CCDC171: variants seen among roughly 807,000 people sequenced by gnomAD.
The protein encoded by CCDC171 is coiled-coil domain containing 171, also known as coiled-coil domain-containing protein 171.
In CCDC171, 177 loss-of-function variants were observed where a neutral mutation model predicts 168.2. The ratio of observed to expected loss-of-function variants is 1.05; its 90% CI spans 0.93 to 1.19. The LOEUF is 1.19. Ranked by LOEUF, CCDC171 falls within the 50% of genes most tolerant of loss-of-function variation. CCDC171 has a pLI of 0.00. For synonymous variants in CCDC171, 687 were observed against 540.8 expected, an observed-to-expected ratio of 1.27 and a Z score of -3.75; for missense variants, 1,991 against 1,539.0, an observed-to-expected ratio of 1.29 and a Z score of -4.91.
intron 4 of CCDC171, among the ~76,000 whole-genome samples, chr9:15,584,758 G>A (rs1467506407): frequency 6.6e-6 from 1 of 152,130 alleles, no homozygotes; most frequent in Non-Finnish European, 1.5e-5. Flanking sequence ...ATAATTGGGG[G>A]TATTGTGTTC....
chr9:15,573,442 C>T (rs558445900), intron 3 of CCDC171, among the ~76,000 whole-genome samples: 56 of 151,954 alleles, frequency 3.7e-4, no homozygotes, highest in African/African-American at 1.2e-3. Flanking sequence ...CCACCATGCC[C>T]GGCTAATTTT....
At chr9:15,683,944 G>A (rs886808101) in intron 10 of CCDC171, among the ~76,000 whole-genome samples, 3 of 152,112 alleles carry the variant, frequency 2.0e-5, no homozygotes, top group Admixed American at 6.5e-5. Flanking sequence ...AAGCAAGTGG[G>A]GTCATGGAAT....
chr9:15,891,479 T>G (rs1374179888), intron 24 of CCDC171, among the ~76,000 whole-genome samples: 3 of 152,170 alleles, frequency 2.0e-5, no homozygotes, highest in African/African-American at 7.2e-5. Context: ...AGTTGGATCT[T>G]TGTAGGTCGA....
intron 20 of CCDC171, among the ~76,000 whole-genome samples, chr9:15,781,141 C>T (rs968007692): frequency 3.9e-5 from 6 of 152,210 alleles, no homozygotes; most frequent in South Asian, 2.1e-4. Flanking sequence ...GGAATATATA[C>T]GAAGAATTCT....
intron 21 of CCDC171, among the ~76,000 whole-genome samples, chr9:15,791,328 G>A (rs1287886901): frequency 6.6e-6 from 1 of 152,012 alleles, no homozygotes; most frequent in African/African-American, 2.4e-5. Flanking sequence ...TTGTAAGTTG[G>A]ATTCCTAGGT....
chr9:15,900,207 G>A (rs1350706671), intron 24 of CCDC171, among the ~76,000 whole-genome samples: 1 of 152,164 alleles, frequency 6.6e-6, no homozygotes, highest in Non-Finnish European at 1.5e-5. Context: ...TGTCCTGGAT[G>A]GGCCTGACCT....
chr9:15,971,695 A>G lies in CCDC171; in HGVS notation c.3840A>G (p.Pro1280=), dbSNP rs1369542845. The part of the protein sequence containing the change: ...ADTTGIGDFL[P]LKAELDTTYT... The stretch of plus-strand genomic sequence containing the variant: ...CAACTGGTATTGGGGATTTCTTACC[A>G]TTGAAAGCTGAACTTGATACTACTT... Residue 1280 remains proline (P), a synonymous_variant, in exon 26 of 26, where the codon CCA becomes CCG. Transcript: ENST00000380701. 1 of 1,613,832 alleles carries G rather than the reference A, an allele frequency of 6.2e-7. No individual in the cohort carries two copies. The highest frequency in any genetic ancestry group is 8.5e-7 in the Non-Finnish European group (1 of 1,179,890).
At chr9:15,808,132 A>G (rs1303094048) in intron 21 of CCDC171, among the ~76,000 whole-genome samples, 1 of 152,110 alleles carries the variant, frequency 6.6e-6, no homozygotes, top group Non-Finnish European at 1.5e-5. Flanking sequence ...TCCTTTGTGA[A>G]GCTGGCAAAC....
intron 8 of CCDC171, among the ~76,000 whole-genome samples, chr9:15,663,376 A>G (rs1047530297): frequency 1.3e-5 from 2 of 152,146 alleles, no homozygotes; most frequent in East Asian, 1.9e-4. Context: ...AAGGTAAACT[A>G]TCTACAGAGT....
At chr9:16,082,180 T>A in the CCDC171 span, among the ~76,000 whole-genome samples, 1 of 152,216 alleles carries the variant, frequency 6.6e-6, no homozygotes, top group African/African-American at 2.4e-5. Flanking sequence ...ACAACTGCCC[T>A]TAGGAAAGGT....
At chr9:15,578,783 T>A in intron 3 of CCDC171, 66 bp from the exon 4 acceptor site, 1 of 1,316,728 alleles carries the variant, frequency 7.6e-7, no homozygotes, top group Non-Finnish European at 1.0e-6. Context: ...TCTAAGAAAC[T>A]TAAATGTTTG....
At chr9:16,039,436 A>C (rs1371453150), upstream of CCDC171, among the ~76,000 whole-genome samples, 2 of 152,190 alleles carry the variant, frequency 1.3e-5, no homozygotes, top group Non-Finnish European at 2.9e-5. Flanking sequence ...AGGCTGCAGA[A>C]AGTCACATGC....
intron 10 of CCDC171, among the ~76,000 whole-genome samples, chr9:15,686,325 AT>A (rs1309840362): frequency 1.3e-5 from 2 of 152,124 alleles, no homozygotes; most frequent in African/African-American, 4.8e-5. Flanking sequence ...CTTTAGTGAT[AT>A]TCTTCCTCTG....
At chr9:16,007,819 G>A (rs1237617622) in intron 3 of CCDC171, among the ~76,000 whole-genome samples, 1 of 152,170 alleles carries the variant, frequency 6.6e-6, no homozygotes, top group Admixed American at 6.5e-5. Flanking sequence ...GTACCATGCT[G>A]TTTTGGTTAC....
At chr9:15,606,733 G>A (rs1166588144) in intron 6 of CCDC171, among the ~76,000 whole-genome samples, 4 of 152,164 alleles carry the variant, frequency 2.6e-5, no homozygotes, top group Non-Finnish European at 5.9e-5. Context: ...TCTGGAAGAT[G>A]TGGAAAGAAA....
chr9:16,077,862 A>G, the CCDC171 span, among the ~76,000 whole-genome samples: 1 of 152,192 alleles, frequency 6.6e-6, no homozygotes, highest in African/African-American at 2.4e-5. Flanking sequence ...TAAGAAGTGG[A>G]GCTGGTTTCA....
chr9:15,638,666 A>G (rs1055773116), intron 7 of CCDC171, among the ~76,000 whole-genome samples: 3 of 151,920 alleles, frequency 2.0e-5, no homozygotes, highest in Non-Finnish European at 4.4e-5. Context: ...AAGTTTTTAT[A>G]TATATGAAAC....
intron 20 of CCDC171, among the ~76,000 whole-genome samples, chr9:15,783,818 G>A (rs10756704): frequency 0.44 from 67,458 of 151,706 alleles, 15,416 homozygotes; most frequent in East Asian, 0.65. Flanking sequence ...GATTTTGTTG[G>A]CAGATGTGTA....
At chr9:15,843,927 G>C (rs767970409) in intron 21 of CCDC171, among the ~76,000 whole-genome samples, 24 of 152,118 alleles carry the variant, frequency 1.6e-4, no homozygotes, top group Admixed American at 5.2e-4. Context: ...TTATCTCGCT[G>C]TTCCAGGCTC....
Sources: allele counts gnomAD v4.1 joint callset (sites outside exome capture counted in the v4.1 genomes callset), GRCh38; gene constraint gnomAD v4.1.1; transcripts MANE v1.5; gene names NCBI Gene and HGNC (gene_info 2026-07-23, HGNC 2026-07-21).